The following ADGRL2 variants were observed in gnomAD, a reference collection of about 807,000 sequenced individuals.
The protein encoded by ADGRL2 is calcium-independent alpha-latrotoxin receptor 2.
ADGRL2 carries 44 observed loss-of-function variants against 157.4 expected under a neutral mutation model. The observed-to-expected ratio is 0.28, with a 90% CI of 0.22 to 0.36. The LOEUF (loss-of-function observed/expected upper bound fraction) is 0.36, where lower values mean the gene tolerates loss of function less well. Ranked by LOEUF, ADGRL2 falls within the 10% of genes least tolerant of loss-of-function variation. The pLI is 1.00. For missense variants in ADGRL2, 1,510 were observed against 1,768.9 expected (o/e 0.85, Z 2.63); for synonymous variants, 585 against 624.7 (o/e 0.94, Z 0.95).
chr1:81,309,118 C>T (rs1408156063), intron 1 of ADGRL2, among the ~76,000 whole-genome samples: 2 of 152,134 alleles, frequency 1.3e-5, no homozygotes, highest in Non-Finnish European at 2.9e-5. Flanking sequence ...GCTGTAGAAA[C>T]TTGCGACCCT....
intron 3 of ADGRL2, among the ~76,000 whole-genome samples, chr1:81,664,110 A>C (rs1472171615): frequency 6.6e-6 from 1 of 151,922 alleles, no homozygotes; most frequent in African/African-American, 2.4e-5. Flanking sequence ...TTTCTTTTTA[A>C]ATTTTTATTT....
At chr1:81,602,620 T>G (rs1278711969) in intron 3 of ADGRL2, among the ~76,000 whole-genome samples, 1 of 145,918 alleles carries the variant, frequency 6.9e-6, no homozygotes, top group Non-Finnish European at 1.5e-5. Context: ...AAAATTAGGC[T>G]GGACATGGTG....
upstream of ADGRL2, among the ~76,000 whole-genome samples, chr1:81,798,476 C>CTAT (rs1442712731): frequency 2.0e-5 from 3 of 152,050 alleles, no homozygotes; most frequent in Non-Finnish European, 4.4e-5. Context: ...CATAGCAAGT[C>CTAT]TATTATATTT....
rs78158195 is a variant in ADGRL2, at chr1:81,639,710, G to C, written c.-143+58730G>C. 3.3e-3 allele frequency among the ~76,000 whole-genome samples: 497 copies of C among 152,146 alleles called. 10 individuals carry two copies. The East Asian group carries it at 0.067, about 20-fold the overall frequency. Reference sequence around the variant, plus strand: ...TAAAGGGGTCTATTTTTTCCAAGAAGACATAACAATCCTTAACATATATGC... The same window carrying C: ...TAAAGGGGTCTATTTTTTCCAAGAACACATAACAATCCTTAACATATATGC... On this transcript the variant is annotated intron_variant, in intron 3 of 24. Coordinates refer to the ADGRL2 transcript ENST00000370721.
intron 3 of ADGRL2, among the ~76,000 whole-genome samples, chr1:81,611,475 A>G (rs2148670366): frequency 6.6e-6 from 1 of 152,322 alleles, no homozygotes; most frequent in African/African-American, 2.4e-5. Context: ...TCCCAACAAC[A>G]CAAGCCTTAT....
At chr1:81,620,521 C>T (rs774599551) in intron 3 of ADGRL2, among the ~76,000 whole-genome samples, 16 of 152,210 alleles carry the variant, frequency 1.1e-4, no homozygotes, top group Non-Finnish European at 1.5e-4. Context: ...TCCACCATAA[C>T]ATATTATCTC....
chr1:81,666,068 C>T (rs1018135821), intron 3 of ADGRL2, among the ~76,000 whole-genome samples: 1 of 152,122 alleles, frequency 6.6e-6, no homozygotes, highest in African/African-American at 2.4e-5. Context: ...AAGCACAATC[C>T]AGTAAAGCTC....
chr1:81,635,358 A>G (rs2082095765), intron 3 of ADGRL2, among the ~76,000 whole-genome samples: 1 of 152,198 alleles, frequency 6.6e-6, no homozygotes, highest in African/African-American at 2.4e-5. Flanking sequence ...CTCAGCCTCT[A>G]GCTTTTGCAG....
chr1:81,899,399 T>G (rs573310667), intron 2 of ADGRL2, among the ~76,000 whole-genome samples: 3 of 152,206 alleles, frequency 2.0e-5, no homozygotes, highest in African/African-American at 4.8e-5. Context: ...ATGTGAATGA[T>G]TTCAGTCTTA....
At chr1:81,525,700 T>A (rs1423273139) in intron 2 of ADGRL2, among the ~76,000 whole-genome samples, 1 of 152,206 alleles carries the variant, frequency 6.6e-6, no homozygotes, top group Admixed American at 6.5e-5. Context: ...GCTTGAAATC[T>A]ACTTTAGTGA....
intron 2 of ADGRL2, among the ~76,000 whole-genome samples, chr1:81,451,168 C>A (rs1222045400): frequency 6.6e-6 from 1 of 152,106 alleles, no homozygotes; most frequent in Non-Finnish European, 1.5e-5. Context: ...TTTCTCAAAT[C>A]TTTATTGTAC....
chr1:81,908,669 C>G (rs1236287222), intron 3 of ADGRL2, among the ~76,000 whole-genome samples: 4 of 152,098 alleles, frequency 2.6e-5, no homozygotes, highest in African/African-American at 7.2e-5. Context: ...ATACCACTTT[C>G]CATTTCTACC....
chr1:81,853,249 A>AG (rs1397931252), intron 2 of ADGRL2, among the ~76,000 whole-genome samples: 2 of 152,188 alleles, frequency 1.3e-5, no homozygotes. Flanking sequence ...AGAGAGTGCC[A>AG]GGAATAGTTT....
chr1:81,803,112 G>T (rs1451163344), intron 1 of ADGRL2, among the ~76,000 whole-genome samples: 5 of 152,132 alleles, frequency 3.3e-5, no homozygotes, highest in Non-Finnish European at 7.3e-5. Context: ...GGGGCAGGGA[G>T]CCTCGGGAGC....
At chr1:81,480,035 G>A (rs1322195705) in intron 2 of ADGRL2, among the ~76,000 whole-genome samples, 7 of 152,106 alleles carry the variant, frequency 4.6e-5, no homozygotes, top group Non-Finnish European at 8.8e-5. Flanking sequence ...TAAGTCATGG[G>A]CTGGTGTCAC....
At chr1:81,386,403 G>A (rs946595077) in intron 1 of ADGRL2, among the ~76,000 whole-genome samples, 2 of 152,072 alleles carry the variant, frequency 1.3e-5, no homozygotes, top group African/African-American at 4.8e-5. Context: ...AGTGTTTTTT[G>A]TATTATGCAC....
intron 2 of ADGRL2, among the ~76,000 whole-genome samples, chr1:81,465,884 A>G (rs1374919620): frequency 6.6e-6 from 1 of 152,246 alleles, no homozygotes; most frequent in African/African-American, 2.4e-5. Flanking sequence ...GTGGTACACA[A>G]ATCTTTGGTC....
intron 3 of ADGRL2, among the ~76,000 whole-genome samples, chr1:81,601,440 A>T (rs575318293): frequency 2.0e-4 from 30 of 152,320 alleles, no homozygotes; most frequent in Admixed American, 9.2e-4. Flanking sequence ...AATTTGGTGT[A>T]TGTCCCTGAG....
intron 2 of ADGRL2, among the ~76,000 whole-genome samples, chr1:81,565,938 T>G (rs2080550485): frequency 6.6e-6 from 1 of 152,176 alleles, no homozygotes; most frequent in Admixed American, 6.5e-5. Context: ...GTGATGCGAT[T>G]GACAGGCTAT....
Sources: allele counts gnomAD v4.1 joint callset (sites outside exome capture counted in the v4.1 genomes callset), GRCh38; gene constraint gnomAD v4.1.1; transcripts MANE v1.5; gene names NCBI Gene and HGNC (gene_info 2026-07-23, HGNC 2026-07-21).